Variants in SPATA31D1 observed in about 807,000 individuals in gnomAD.
SPATA31D1 encodes spermatogenesis-associated protein 31D1.
In SPATA31D1, 6 loss-of-function variants were observed where a neutral mutation model predicts 13.2. The ratio of observed to expected loss-of-function variants is 0.46; its 90% confidence interval spans 0.25 to 0.90. The LOEUF is 0.90. Ranked by LOEUF, SPATA31D1 falls within the 40% of genes least tolerant of loss-of-function variation. SPATA31D1 has a pLI of 0.18. For synonymous variants in SPATA31D1, 903 were observed against 718.8 expected (o/e 1.26, Z -4.10); for missense variants, 2,445 against 1,884.7 (o/e 1.30, Z -5.50).
At chr9:81,988,623 G>A (rs913657943), upstream of SPATA31D1, 6 of 708,044 alleles carry the variant, frequency 8.5e-6, no homozygotes, top group African/African-American at 9.0e-5. Flanking sequence ...AGGTAGGGCA[G>A]AGGGACCTAG....
Position 81,993,352 on chromosome 9 carries a change from C to T in SPATA31D1, c.2882C>T (p.Ser961Phe). The change falls in exon 4 of 4, where the codon TCT becomes TTT. Residue 961 changes from serine (S) to phenylalanine (F), a missense_variant. Physicochemically the swap from Ser to Phe is radical, Grantham distance 155. Coordinates refer to ENST00000344803, the MANE Select transcript of SPATA31D1 (RefSeq NM_001001670.3). ...ISQGDSKDGVSKSRSRSTFQG... is the reference protein window; with the variant it reads ...ISQGDSKDGVFKSRSRSTFQG... ...CAGGGAGATTCCAAAGATGGGGTCTCTAAGTCCCGTAGTCGAAGCACTTTT... is the reference window on the plus strand; with the variant it reads ...CAGGGAGATTCCAAAGATGGGGTCTTTAAGTCCCGTAGTCGAAGCACTTTT... The T allele has an allele frequency of 1.2e-6, 2 of 1,614,000 alleles. No homozygotes were observed. Among genetic ancestry groups the T allele is most frequent in the Non-Finnish European group, 8.5e-7 (1 of 1,179,908 alleles).
At position 81,992,947 on chromosome 9, in the gene SPATA31D1, T is replaced by C. The variant is rs757143269; in HGVS notation, c.2477T>C (p.Leu826Pro). The C allele has an allele frequency of 6.2e-7, 1 of 1,613,694 alleles. No homozygotes were observed. Among genetic ancestry groups the C allele is most frequent in the Non-Finnish European group, 8.5e-7 (1 of 1,179,706 alleles). Residue 826 changes from leucine to proline, a missense_variant, in exon 4 of 4, where the codon CTT becomes CCT. Transcript: ENST00000344803. ...GGGGTGAGACTAGGTCAGAAACAACTTGAAAATGCCCTGACAGTACGTTTG... is the reference window on the plus strand; with the variant it reads ...GGGGTGAGACTAGGTCAGAAACAACCTGAAAATGCCCTGACAGTACGTTTG... ...DSGVRLGQKQ[L>P]ENALTVRLSK...
chr9:81,990,642 AGTGAGGTCATAGGACCTCATATACG>A lies in SPATA31D1; in HGVS notation c.303-122_303-98del, dbSNP rs1047356574. 21 of 1,345,554 alleles carry A rather than the reference AGTGAGGTCATAGGACCTCATATACG, an allele frequency of 1.6e-5. No homozygotes were observed. In the African/African-American group the frequency reaches 2.3e-4, roughly 15 times the overall value. 83.4% of individuals were successfully genotyped at this position (1,345,554 alleles called of 1,614,324 possible). On this transcript the variant is annotated intron_variant, in intron 3 of 3. Coordinates refer to ENST00000344803, the MANE Select transcript of SPATA31D1 (RefSeq NM_001001670.3). ...AATGAATGTGTTGGGGAGAGGCTAT[AGTGAGGTCATAGGACCTCATATACG>A]GTGAGGTCCTGGGTTGGGGGCAATG...
In SPATA31D1 at chr9:81,994,903, C is replaced by G. The variant is rs200637237; in HGVS notation, c.4433C>G (p.Ala1478Gly). The G allele has an allele frequency of 1.2e-4, 187 of 1,613,980 alleles. No homozygotes were observed. In the African/African-American group the frequency reaches 2.2e-3, roughly 19 times the overall value. The change falls in exon 4 of 4, where the codon GCT (alanine) becomes GGT (glycine). Residue 1478 changes from alanine (A) to glycine (G), a missense_variant. Coordinates refer to ENST00000344803, the MANE Select transcript of SPATA31D1 (RefSeq NM_001001670.3). ...VTRTKSCSQQ[A>G]IFVGQNYPTR... ...CGTACCAAATCTTGCAGCCAACAAGCTATCTTTGTTGGCCAGAATTATCCT... is the reference window on the plus strand; with the variant it reads ...CGTACCAAATCTTGCAGCCAACAAGGTATCTTTGTTGGCCAGAATTATCCT...
At position 81,990,497 on chromosome 9, in the gene SPATA31D1, T is replaced by G; in HGVS notation, c.302+11T>G. 1 of 1,596,332 alleles carries G rather than the reference T, an allele frequency of 6.3e-7. No homozygotes were observed. Among genetic ancestry groups the G allele is most frequent in the East Asian group, 2.2e-5 (1 of 44,506 alleles). Reference sequence around the variant, plus strand: ...TTCTCTTCTGAAAAGGTGATTAATCTTTCCCTTTGTGTCCTGTTCCCACCC... The same window carrying G: ...TTCTCTTCTGAAAAGGTGATTAATCGTTCCCTTTGTGTCCTGTTCCCACCC... On this transcript the variant is annotated intron_variant, in intron 3 of 3. Transcript: ENST00000344803.
At chr9:81,990,606 A>C in intron 3 of SPATA31D1, 120 bp downstream of exon 3, 2 of 1,328,116 alleles carry the variant, frequency 1.5e-6, no homozygotes, top group Non-Finnish European at 2.1e-6. Context: ...AGCCATAGGA[A>C]TGGGTATGTG....
Position 81,991,898 on chromosome 9 carries a change from A to G in SPATA31D1, c.1428A>G (p.Lys476=), listed in dbSNP as rs1824973472. The G allele has an allele frequency of 6.2e-7, 1 of 1,613,774 alleles. No individual in the cohort carries two copies. The highest frequency in any genetic ancestry group is 8.5e-7 in the Non-Finnish European group (1 of 1,179,718). ...ESFPFWASKG[K]LEWQHIHQQP... ...TTCCTTTTTGGGCCAGTAAAGGCAA[A>G]CTAGAATGGCAGCACATCCATCAGC... Residue 476 remains lysine (K), a synonymous_variant, in exon 4 of 4, where the codon AAA becomes AAG. Coordinates refer to ENST00000344803, the MANE Select transcript of SPATA31D1 (RefSeq NM_001001670.3).
rs1353212097 is a variant in SPATA31D1, at chr9:81,993,987, A to G, written c.3517A>G (p.Asn1173Asp). Residue 1173 changes from asparagine (N) to aspartate (D), a missense_variant, in exon 4 of 4, where the codon AAT (asparagine) becomes GAT (aspartate). Asn to Asp is a conservative substitution (Grantham distance 23). Coordinates refer to ENST00000344803, the MANE Select transcript of SPATA31D1 (RefSeq NM_001001670.3). The stretch of plus-strand genomic sequence containing the variant: ...CAAGTCAGGAAGCTGCTCACTGACA[A>G]ATGTGAAAGCAAGCACTTCCAATGA... ...TSKSGSCSLT[N>D]VKASTSNETE... 6 of 1,613,768 alleles carry G rather than the reference A, an allele frequency of 3.7e-6. No homozygotes were observed. Among genetic ancestry groups the G allele is most frequent in the African/African-American group, 1.3e-5 (1 of 74,938 alleles).
In SPATA31D1 at chr9:81,994,257, G is replaced by A. The variant is rs199682081; in HGVS notation, c.3787G>A (p.Gly1263Arg). 264 of 1,613,852 alleles carry A rather than the reference G, an allele frequency of 1.6e-4. No homozygotes were observed. Among genetic ancestry groups the A allele is most frequent in the South Asian group, 5.1e-4 (46 of 91,072 alleles). ...GGTGCATGTCCACTTGGAGGACAGC[G>A]GAATCCGTGTGGCACAGAAGCAGGA... ...QVVHVHLEDS[G>R]IRVAQKQEPR... The change falls in exon 4 of 4, where the codon GGA (glycine) becomes AGA (arginine). Residue 1263 changes from glycine (G) to arginine (R), a missense_variant. Coordinates refer to ENST00000344803, the MANE Select transcript of SPATA31D1 (RefSeq NM_001001670.3).
Position 81,988,961 on chromosome 9 carries a change from C to T in SPATA31D1, c.143C>T (p.Thr48Ile), listed in dbSNP as rs373481794. 5 of 1,611,500 alleles carry T rather than the reference C, an allele frequency of 3.1e-6. No homozygotes were observed. The African/African-American group carries it at 4.0e-5, about 13-fold the overall frequency. Residue 48 changes from threonine to isoleucine, a missense_variant, in exon 1 of 4, where the codon ACC becomes ATC. Thr to Ile is a moderately conservative substitution (Grantham distance 89). Transcript: ENST00000344803. ...FILYLFYVVL[T>I]LYSSPTEKNN... ...CTGTACTTGTTCTACGTGGTATTGA[C>T]CCTGTATTCGTCACCCACCGAAAAA... is the stretch of plus-strand genomic sequence containing the variant.
In SPATA31D1 at chr9:81,992,794, A is replaced by G. The variant is rs759323799; in HGVS notation, c.2324A>G (p.Tyr775Cys). 9.3e-6 allele frequency: 15 copies of G among 1,613,702 alleles called. No individual in the cohort carries two copies. Among genetic ancestry groups the G allele is most frequent in the Middle Eastern group, 1.6e-4 (1 of 6,078 alleles). Residue 775 changes from tyrosine to cysteine, a missense_variant, in exon 4 of 4, where the codon TAC becomes TGC. Coordinates refer to ENST00000344803, the MANE Select transcript of SPATA31D1 (RefSeq NM_001001670.3). ...SMENVGNYQGYSQETVPKDHL... is the reference protein window; with the variant it reads ...SMENVGNYQGCSQETVPKDHL... ...GAGAATGTGGGGAATTATCAGGGAT[A>G]CAGCCAGGAGACTGTCCCAAAAGAT...
In SPATA31D1 at chr9:81,993,543, C is replaced by T. The variant is rs761046194; in HGVS notation, c.3073C>T (p.Leu1025Phe). 3 of 1,613,752 alleles carry T rather than the reference C, an allele frequency of 1.9e-6. No homozygotes were observed. In the South Asian group the frequency reaches 3.3e-5, roughly 18 times the overall value. ...TTCCAAAGACGGGGCCTCCACATCC[C>T]TTAGAAGAGGTACTACAGATTTTCA... ...TDSKDGASTS[L>F]RRGTTDFQSE... Residue 1025 changes from leucine to phenylalanine, a missense_variant, in exon 4 of 4, where the codon CTT (leucine) becomes TTT (phenylalanine). Transcript: ENST00000344803.
Position 81,992,967 on chromosome 9 carries a change from C to G in SPATA31D1, c.2497C>G (p.Arg833Gly), listed in dbSNP as rs372028836. The change falls in exon 4 of 4, where the codon CGT becomes GGT. Residue 833 changes from arginine (R) to glycine (G), a missense_variant. Transcript: ENST00000344803. ...ACAACTTGAAAATGCCCTGACAGTA[C>G]GTTTGAGCAAGAAATTTGAGGAAAT... Reference protein sequence around the residue: ...QKQLENALTVRLSKKFEEINE... With the variant: ...QKQLENALTVGLSKKFEEINE... The G allele has an allele frequency of 1.4e-5, 22 of 1,613,728 alleles. No individual in the cohort carries two copies. The African/African-American group carries it at 2.0e-4, about 15-fold the overall frequency.
rs1452081979 is a variant in SPATA31D1, at chr9:81,994,605, A to G, written c.4135A>G (p.Ser1379Gly). Residue 1379 changes from serine to glycine, a missense_variant, in exon 4 of 4, where the codon AGC (serine) becomes GGC (glycine). Physicochemically the swap from Ser to Gly is moderately conservative, Grantham distance 56. Coordinates refer to ENST00000344803, the MANE Select transcript of SPATA31D1 (RefSeq NM_001001670.3). The part of the protein sequence containing the change: ...EEQESSWEKG[S>G]SLSSCVQNIG... ...ACAAGAAAGTTCCTGGGAAAAGGGT[A>G]GCTCCCTGTCATCATGTGTGCAGAA... 7 of 1,612,934 alleles carry G rather than the reference A, an allele frequency of 4.3e-6. No homozygotes were observed. The Middle Eastern group carries it at 4.9e-4, about 114-fold the overall frequency.
At position 81,991,831 on chromosome 9, in the gene SPATA31D1, T is replaced by C. The variant is rs1369385034; in HGVS notation, c.1361T>C (p.Met454Thr). The change falls in exon 4 of 4, where the codon ATG becomes ACG. Residue 454 changes from methionine to threonine, a missense_variant. Transcript: ENST00000344803. ...TACCAACTAAATTCCTCACGGAATA[T>C]GTTAACCTCAATTGCTGTTAAGCAT... is the stretch of plus-strand genomic sequence containing the variant. ...PNYQLNSSRN[M>T]LTSIAVKHDL... 3 of 1,613,824 alleles carry C rather than the reference T, an allele frequency of 1.9e-6. No individual in the cohort carries two copies. The highest frequency in any genetic ancestry group is 2.5e-6 in the Non-Finnish European group (3 of 1,179,728).
rs576084285 is a variant in SPATA31D1, at chr9:81,993,101, A to G, written c.2631A>G (p.Val877=). ...GCCAAATTAAACATCGAAATCTGGT[A>G]ACATTGGTGAGTGAGGACCACTGCG... ...SHSQIKHRNL[V]TLVSEDHCVD... Residue 877 remains valine (V), a synonymous_variant, in exon 4 of 4, where the codon GTA becomes GTG. Transcript: ENST00000344803. The G allele has an allele frequency of 2.3e-5, 37 of 1,613,888 alleles. 2 individuals carry two copies. In the South Asian group the frequency reaches 3.8e-4, roughly 17 times the overall value.
chr9:81,995,183 A>C lies in SPATA31D1; in HGVS notation c.4713A>C (p.Lys1571Asn), dbSNP rs1352524384. 1 of 1,529,224 alleles carries C rather than the reference A, an allele frequency of 6.5e-7. No individual in the cohort carries two copies. Among genetic ancestry groups the C allele is most frequent in the African/African-American group, 1.4e-5 (1 of 72,302 alleles). 94.7% of individuals were successfully genotyped at this position (1,529,224 alleles called of 1,614,324 possible). A position where few individuals can be genotyped will look rare whatever the true frequency, so the allele number is the denominator to read the frequency against. Residue 1571 changes from lysine to asparagine, a missense_variant, in exon 4 of 4, where the codon AAA (lysine) becomes AAC (asparagine). Physicochemically the swap from Lys to Asn is moderately conservative, Grantham distance 94 (BLOSUM62 0). Coordinates refer to ENST00000344803, the MANE Select transcript of SPATA31D1 (RefSeq NM_001001670.3). ...KMLPKHLQGG[K>N]FPPTK ...TTCCAAAGCATTTACAGGGAGGAAA[A>C]TTTCCCCCCACAAAATAATTCACTC...
At position 81,993,801 on chromosome 9, in the gene SPATA31D1, T is replaced by C. The variant is rs927479462; in HGVS notation, c.3331T>C (p.Cys1111Arg). The change falls in exon 4 of 4, where the codon TGC (cysteine) becomes CGC (arginine). Residue 1111 changes from cysteine to arginine, a missense_variant. Cys to Arg is a radical substitution (Grantham distance 180, BLOSUM62 -3). Transcript: ENST00000344803. Reference sequence around the variant, plus strand: ...GAAACAGACTGTACTGGCCAGTAGATGCAGCGCAGAGCTGCCCATAATGCA... The same window carrying C: ...GAAACAGACTGTACTGGCCAGTAGACGCAGCGCAGAGCTGCCCATAATGCA... ...SQKQTVLASR[C>R]SAELPIMQAG... 1.2e-6 allele frequency: 2 copies of C among 1,613,912 alleles called. No individual in the cohort carries two copies. The highest frequency in any genetic ancestry group is 2.7e-5 in the African/African-American group (2 of 74,940).
Position 81,994,054 on chromosome 9 carries a change from C to T in SPATA31D1, c.3584C>T (p.Pro1195Leu), listed in dbSNP as rs1235647542. The change falls in exon 4 of 4, where the codon CCT becomes CTT. Residue 1195 changes from proline (P) to leucine (L), a missense_variant. Physicochemically the swap from Pro to Leu is moderately conservative, Grantham distance 98. Coordinates refer to ENST00000344803, the MANE Select transcript of SPATA31D1 (RefSeq NM_001001670.3). ...FPPRISVPQD[P>L]KSSYLKNQML... ...CCAAGAATATCAGTTCCTCAAGATC[C>T]TAAATCATCATACCTTAAAAATCAG... 6.2e-7 allele frequency: 1 copy of T among 1,613,770 alleles called. No homozygotes were observed. Among genetic ancestry groups the T allele is most frequent in the Admixed American group, 1.7e-5 (1 of 60,004 alleles).
Sources: gnomAD v4.1 joint callset for allele counts on GRCh38, gnomAD v4.1.1 for gene constraint, MANE v1.5 for transcripts, NCBI Gene and HGNC (gene_info 2026-07-23, HGNC 2026-07-21) for gene names.